THSD4: variants seen among roughly 807,000 people sequenced by gnomAD.
THSD4 encodes the protein thrombospondin type 1 domain containing 4, also known as thrombospondin type-1 domain-containing protein 4.
In THSD4, 69 loss-of-function variants were observed where a neutral mutation model predicts 119.0. The observed-to-expected ratio is 0.58, with a 90% CI of 0.48 to 0.71. The LOEUF is 0.71. Ranked by LOEUF, THSD4 falls within the 30% of genes least tolerant of loss-of-function variation. The pLI is 0.00. For missense variants in THSD4, 1,393 were observed against 1,391.1 expected, an observed-to-expected ratio of 1.00 and a Z score of -0.02; for synonymous variants, 524 against 540.4, an observed-to-expected ratio of 0.97 and a Z score of 0.42.
intron 7 of THSD4, among the ~76,000 whole-genome samples, chr15:71,560,662 G>A (rs960913356): frequency 6.6e-6 from 1 of 152,126 alleles, no homozygotes; most frequent in African/African-American, 2.4e-5. Flanking sequence ...TATATAATAC[G>A]TGTGCAATTT....
At chr15:71,143,443 T>C (rs2040624361) in intron 2 of THSD4, among the ~76,000 whole-genome samples, 4 of 152,022 alleles carry the variant, frequency 2.6e-5, no homozygotes, top group Admixed American at 1.3e-4. Context: ...CAGGACCCCA[T>C]GTAGGACAAA....
intron 3 of THSD4, among the ~76,000 whole-genome samples, chr15:71,164,003 A>T (rs1019286786): frequency 2.6e-5 from 4 of 152,028 alleles, no homozygotes; most frequent in African/African-American, 4.8e-5. Flanking sequence ...GACTTTCAAA[A>T]TGTTTGATTC....
In THSD4 at chr15:71,341,088, T is replaced by C. The variant is rs1191947354; in HGVS notation, c.1016-70599T>C. 7 of 1,106,612 alleles carry C rather than the reference T, an allele frequency of 6.3e-6. No homozygotes were observed. In the East Asian group the frequency reaches 1.6e-4, roughly 26 times the overall value. The allele number at this position is 1,106,612 out of a possible 1,614,324, so 68.5% of individuals were successfully genotyped here. ...TTGTTGCCTTGCCTTTTCTTTTCTA[T>C]TGTCTCTTCTGTCTTCCCTCTCTCT... is the stretch of plus-strand genomic sequence containing the variant. On this transcript the variant is annotated intron_variant, in intron 6 of 17. Transcript: ENST00000261862.
At chr15:71,348,581 T>G (rs2140401825) in intron 6 of THSD4, 1 of 152,372 alleles carries the variant, frequency 6.6e-6, no homozygotes, top group Admixed American at 6.5e-5. Flanking sequence ...TAGCTCTTAG[T>G]TGTGTTCAGA....
intron 7 of THSD4, among the ~76,000 whole-genome samples, chr15:71,654,635 G>C (rs1230359463): frequency 6.6e-6 from 1 of 152,132 alleles, no homozygotes; most frequent in Non-Finnish European, 1.5e-5. Context: ...ATATACAAAG[G>C]ATTTCTTTCA....
At chr15:71,564,129 C>T (rs868606139) in intron 7 of THSD4, among the ~76,000 whole-genome samples, 1 of 152,212 alleles carries the variant, frequency 6.6e-6, no homozygotes, top group South Asian at 2.1e-4. Context: ...AGTGATTCTG[C>T]AATGTTTCTG....
At chr15:71,165,117 C>A (rs1266837177) in intron 3 of THSD4, 1 of 1,611,070 alleles carries the variant, frequency 6.2e-7, no homozygotes, top group African/African-American at 1.3e-5. Context: ...AGGAAGAAGG[C>A]CGAAGGAGGC....
intron 6 of THSD4, among the ~76,000 whole-genome samples, chr15:71,311,255 A>C (rs1215974954): frequency 2.2e-4 from 34 of 152,212 alleles, no homozygotes; most frequent in Admixed American, 2.2e-3. Flanking sequence ...ATAGATTTCC[A>C]GGGAGTTGTC....
intron 7 of THSD4, among the ~76,000 whole-genome samples, chr15:71,442,660 G>GTGTGTGTATGTATGTATGTATATA: frequency 5.4e-4 from 14 of 25,798 alleles, no homozygotes; most frequent in East Asian, 8.2e-4. Flanking sequence ...GTGTGTGTGT[G>GTGTGTGTATGTATGTATGTATATA]TATATATATA....
intron 7 of THSD4, among the ~76,000 whole-genome samples, chr15:71,646,953 A>G (rs2140973324): frequency 6.6e-6 from 1 of 152,334 alleles, no homozygotes; most frequent in South Asian, 2.1e-4. Flanking sequence ...TTGAGCCAGA[A>G]GAATGACATG....
chr15:71,554,129 G>A (rs560296399), intron 7 of THSD4, among the ~76,000 whole-genome samples: 49 of 137,296 alleles, frequency 3.6e-4, no homozygotes, highest in African/African-American at 9.9e-4. Flanking sequence ...TCGCTCTGTC[G>A]CCCAGGCTGG....
chr15:71,661,698 G>C (rs2051312190), intron 8 of THSD4, among the ~76,000 whole-genome samples: 1 of 152,026 alleles, frequency 6.6e-6, no homozygotes, highest in South Asian at 2.1e-4. Flanking sequence ...GCCTGGCCTT[G>C]AACAAATTAC....
At chr15:71,494,132 C>A (rs1412124233) in intron 7 of THSD4, among the ~76,000 whole-genome samples, 3 of 152,164 alleles carry the variant, frequency 2.0e-5, no homozygotes, top group Non-Finnish European at 4.4e-5. Flanking sequence ...CAAGGAGAGT[C>A]TTTTCAATTT....
chr15:71,282,113 A>G (rs1018158079), intron 6 of THSD4, among the ~76,000 whole-genome samples: 2 of 152,160 alleles, frequency 1.3e-5, no homozygotes, highest in Non-Finnish European at 2.9e-5. Flanking sequence ...ATTTACTGTT[A>G]TTTTTCTAGT....
At chr15:71,493,198 T>C (rs1227669978) in intron 7 of THSD4, among the ~76,000 whole-genome samples, 1 of 152,240 alleles carries the variant, frequency 6.6e-6, no homozygotes, top group Non-Finnish European at 1.5e-5. Flanking sequence ...TTTCATGGGC[T>C]CTGGGGTAAT....
rs750975507 is a variant in THSD4, at chr15:71,341,594, T to C, written c.1016-70093T>C. 3.1e-6 allele frequency: 5 copies of C among 1,594,996 alleles called. No homozygotes were observed. The South Asian group carries it at 5.5e-5, about 18-fold the overall frequency. On this transcript the variant is annotated intron_variant, in intron 6 of 17. Coordinates refer to ENST00000261862, the MANE Select transcript of THSD4 (RefSeq NM_024817.3). ...CAGATACTTCGTGGCTTTTCGTATA[T>C]GCATACCCTTGATGGCCTGAGCAGT... is the stretch of plus-strand genomic sequence containing the variant.
At chr15:71,123,768 G>A (rs1473829992) in intron 1 of THSD4, among the ~76,000 whole-genome samples, 1 of 152,232 alleles carries the variant, frequency 6.6e-6, no homozygotes, top group African/African-American at 2.4e-5. Flanking sequence ...AGGGAGAAAG[G>A]AAGTAGAAGC....
chr15:71,161,564 G>T (rs1014914770), intron 3 of THSD4, among the ~76,000 whole-genome samples: 1 of 151,766 alleles, frequency 6.6e-6, no homozygotes, highest in African/African-American at 2.4e-5. Context: ...GGCTGCTCCT[G>T]CTTGCCTTTG....
At chr15:71,200,539 A>G (rs1206130348) in intron 3 of THSD4, among the ~76,000 whole-genome samples, 1 of 152,202 alleles carries the variant, frequency 6.6e-6, no homozygotes, top group Non-Finnish European at 1.5e-5. Context: ...ATAAGGCACT[A>G]GTTATGTTCC....
Sources: allele counts gnomAD v4.1 joint callset (sites outside exome capture counted in the v4.1 genomes callset), GRCh38; gene constraint gnomAD v4.1.1; transcripts MANE v1.5; gene names NCBI Gene and HGNC (gene_info 2026-07-23, HGNC 2026-07-21).